Variants in FAAH2 observed in about 807,000 individuals in gnomAD.
The protein encoded by FAAH2 is fatty-acid amide hydrolase 2.
Under a neutral mutation model 36.9 loss-of-function variants are expected in FAAH2, and 60 were observed. The observed-to-expected ratio is 1.63, with a 90% CI of 1.32 to 2.02. The LOEUF (loss-of-function observed/expected upper bound fraction) is 2.02. Ranked by LOEUF, FAAH2 falls within the 30% of genes most tolerant of loss-of-function variation. The pLI, the probability that FAAH2 is intolerant of heterozygous loss-of-function variation, is 0.00. For synonymous variants in FAAH2, 214 were observed against 143.8 expected, an observed-to-expected ratio of 1.49 and a Z score of -3.49; for missense variants, 689 against 397.5, an observed-to-expected ratio of 1.73 and a Z score of -6.23.
chrX:57,233,291 G>T, the FAAH2 span, among the ~76,000 whole-genome samples: 1 of 111,078 alleles, frequency 9.0e-6, no homozygotes, highest in South Asian at 3.8e-4. Context: ...AAACACTTTG[G>T]TTTTAGCTGG....
chrX:57,400,050 T>C (rs2055394865), intron 7 of FAAH2, among the ~76,000 whole-genome samples: 1 of 112,404 alleles, frequency 8.9e-6, no homozygotes, highest in Admixed American at 9.4e-5. Context: ...GTTTGAGCAA[T>C]TACTTGTTGA....
chrX:57,480,562 G>A (rs1348691946), intron 10 of FAAH2, among the ~76,000 whole-genome samples: 1 of 111,678 alleles, frequency 9.0e-6, no homozygotes, highest in African/African-American at 3.3e-5. Flanking sequence ...TTGAATGTTT[G>A]CCCCCACTGT....
intron 3 of FAAH2, among the ~76,000 whole-genome samples, chrX:57,316,571 A>G (rs2052845564): frequency 9.0e-6 from 1 of 111,221 alleles, no homozygotes; most frequent in African/African-American, 3.3e-5. Context: ...ATAAAGTCAC[A>G]CACATACAAC....
the FAAH2 span, among the ~76,000 whole-genome samples, chrX:57,183,614 TCTTTA>T: frequency 1.8e-5 from 2 of 111,628 alleles, no homozygotes; most frequent in Admixed American, 9.5e-5. Flanking sequence ...CATATGCCTG[TCTTTA>T]CTTTAATCTC....
chrX:57,226,530 T>G, the FAAH2 span, among the ~76,000 whole-genome samples: 1 of 112,051 alleles, frequency 8.9e-6, no homozygotes, highest in Non-Finnish European at 1.9e-5. Flanking sequence ...TGTTAATCTG[T>G]TAGGTTTTCC....
chrX:57,167,567 AT>A, the FAAH2 span, among the ~76,000 whole-genome samples: 7 of 109,893 alleles, frequency 6.4e-5, no homozygotes, highest in East Asian at 2.8e-4. Flanking sequence ...ATTACTTTTG[AT>A]TTTTTTTTGT....
chrX:57,393,200 C>A, intron 7 of FAAH2: 1 of 1,199,231 alleles, frequency 8.3e-7, no homozygotes, highest in Non-Finnish European at 1.1e-6. Context: ...TACTGGAATT[C>A]CAAACATTCT....
At position 57,315,663 on chromosome X, in the gene FAAH2, A is replaced by T. The variant is rs188189337; in HGVS notation, c.412+4934A>T. Among the ~76,000 whole-genome samples the T allele has an allele frequency of 8.0e-5, 9 of 112,118 alleles. No homozygotes were observed. In the East Asian group the frequency reaches 2.2e-3, roughly 28 times the overall value. ...AATGATTAAAAGTAAAAACCATGTG[A>T]TCATCTCAATAGATGCAGAAAAATA... is the stretch of plus-strand genomic sequence containing the variant. On this transcript the variant is annotated intron_variant, in intron 3 of 10. Transcript: ENST00000374900.
In FAAH2 at chrX:57,328,035, A is replaced by T. The variant is rs185199850; in HGVS notation, c.413-3563A>T. ...GGTTTTTGGTGTGGATGTCCTTTTT[A>T]TTTGTTAGTTTTCCTTCTAACGGTC... On this transcript the variant is annotated intron_variant, in intron 3 of 10. Transcript: ENST00000374900. Among the ~76,000 whole-genome samples, 44 of 111,025 alleles carry T rather than the reference A, an allele frequency of 4.0e-4. No homozygotes were observed. The East Asian group carries it at 1.0e-2, about 25-fold the overall frequency.
the FAAH2 span, among the ~76,000 whole-genome samples, chrX:57,145,191 C>T: frequency 9.1e-6 from 1 of 109,325 alleles, no homozygotes; most frequent in Admixed American, 9.7e-5. Flanking sequence ...AGAAGTGTTC[C>T]CTTTTCACCA....
At chrX:57,289,060 T>G (rs1227527415) in intron 1 of FAAH2, among the ~76,000 whole-genome samples, 1 of 112,229 alleles carries the variant, frequency 8.9e-6, no homozygotes, top group Non-Finnish European at 1.9e-5. Flanking sequence ...AAGGCAAACA[T>G]TTTACTTAGA....
At position 57,466,156 on chromosome X, in the gene FAAH2, C is replaced by CTCTATATATATA. The variant is rs1287266105; in HGVS notation, c.1423+17439_1423+17440insCTATATATATAT. Among the ~76,000 whole-genome samples the CTCTATATATATA allele has an allele frequency of 9.7e-3, 643 of 66,320 alleles. 8 individuals carry two copies. Among genetic ancestry groups the CTCTATATATATA allele is most frequent in the Admixed American group, 0.022 (109 of 4,868 alleles). The allele number at this position is 66,320 out of a possible 115,157, so 57.6% of individuals were successfully genotyped here. On this transcript the variant is annotated intron_variant, in intron 10 of 10. Coordinates refer to ENST00000374900, the MANE Select transcript of FAAH2 (RefSeq NM_174912.4). ...TCTCTCTCTCTCTCTCTCTCTCTCT[C>CTCTATATATATA]TATATATATATATATATATATATAC...
At chrX:57,140,828 A>T in the FAAH2 span, among the ~76,000 whole-genome samples, 1 of 111,512 alleles carries the variant, frequency 9.0e-6, no homozygotes, top group African/African-American at 3.3e-5. Context: ...GGATTTCCAA[A>T]AAGAGGGAGG....
chrX:57,313,361 G>A (rs2052748045), intron 3 of FAAH2, among the ~76,000 whole-genome samples: 1 of 109,241 alleles, frequency 9.2e-6, no homozygotes, highest in Non-Finnish European at 1.9e-5. Context: ...TGAAGAGGTT[G>A]ACATGCAAAT....
At chrX:57,234,019 C>A in the FAAH2 span, among the ~76,000 whole-genome samples, 1 of 112,653 alleles carries the variant, frequency 8.9e-6, no homozygotes, top group African/African-American at 3.2e-5. Flanking sequence ...ACAAAACATG[C>A]ATTTAAATTT....
intron 7 of FAAH2, among the ~76,000 whole-genome samples, chrX:57,385,114 A>C (rs923687387): frequency 1.8e-5 from 2 of 109,585 alleles, no homozygotes; most frequent in Non-Finnish European, 3.8e-5. Context: ...GGAACATCAC[A>C]CACCAGGGCC....
chrX:57,370,224 A>G (rs1450753353), intron 5 of FAAH2, among the ~76,000 whole-genome samples: 1 of 111,998 alleles, frequency 8.9e-6, no homozygotes, highest in Non-Finnish European at 1.9e-5. Context: ...CCTTAAATGT[A>G]AATGAATCAA....
chrX:57,310,686 C>T lies in FAAH2; in HGVS notation c.369C>T (p.Phe123=). ...CCACCCTGGAAAATAAATGGCCCTT[C>T]CTTGGGGTTCCTTTGACAGTCAAGG... ...DEATLENKWP[F]LGVPLTVKEA... is the part of the protein sequence containing the mutation. The change falls in exon 3 of 11, where the codon TTC becomes TTT. Residue 123 remains phenylalanine, a synonymous_variant. Coordinates refer to ENST00000374900, the MANE Select transcript of FAAH2 (RefSeq NM_174912.4). The T allele has an allele frequency of 8.3e-7, 1 of 1,208,882 alleles. No individual in the cohort carries two copies. The highest frequency in any genetic ancestry group is 1.1e-6 in the Non-Finnish European group (1 of 894,313).
At chrX:57,302,113 G>T (rs770860384) in intron 2 of FAAH2, among the ~76,000 whole-genome samples, 1 of 111,625 alleles carries the variant, frequency 9.0e-6, no homozygotes, top group Non-Finnish European at 1.9e-5. Context: ...ATCTGTGAAT[G>T]ACATAGAAAA....
Sources: gnomAD v4.1 joint callset for allele counts (sites outside exome capture counted in the v4.1 genomes callset) on GRCh38, gnomAD v4.1.1 for gene constraint, MANE v1.5 for transcripts, NCBI Gene and HGNC (gene_info 2026-07-23, HGNC 2026-07-21) for gene names.